XKR9: variants seen among roughly 807,000 people sequenced by gnomAD.
XKR9 encodes XK related 9.
Under a neutral mutation model 32.0 loss-of-function variants are expected in XKR9, and 32 were observed. The ratio of observed to expected loss-of-function variants is 1.00; its 90% confidence interval spans 0.76 to 1.34. XKR9 has a LOEUF of 1.34. Ranked by LOEUF, XKR9 falls within the 40% of genes most tolerant of loss-of-function variation. XKR9 has a pLI of 0.00. For synonymous variants in XKR9, 168 were observed against 143.4 expected (o/e 1.17, Z -1.22); for missense variants, 546 against 429.7 (o/e 1.27, Z -2.39).
the XKR9 span, among the ~76,000 whole-genome samples, chr8:70,822,564 AAAT>A: frequency 2.6e-5 from 4 of 150,970 alleles, no homozygotes; most frequent in South Asian, 6.2e-4. Context: ...ATATAATTAT[AAAT>A]AATAATTTAT....
chr8:70,745,818 A>G (rs1807050824), intron 2 of XKR9, among the ~76,000 whole-genome samples: 1 of 152,238 alleles, frequency 6.6e-6, no homozygotes, highest in Non-Finnish European at 1.5e-5. Context: ...AATTTCTTGC[A>G]CAATATCTTG....
intron 3 of XKR9, chr8:70,683,686 T>A (rs1819162052): frequency 1.1e-5 from 4 of 360,444 alleles, no homozygotes; most frequent in Admixed American, 1.0e-4. Context: ...TGGGGTTTAG[T>A]CATGTTGGCC....
At chr8:70,712,364 AG>A (rs1805947535) in intron 4 of XKR9, among the ~76,000 whole-genome samples, 1 of 152,146 alleles carries the variant, frequency 6.6e-6, no homozygotes, top group South Asian at 2.1e-4. Flanking sequence ...GTGGGAAAGC[AG>A]CATAGTTAAG....
the XKR9 span, among the ~76,000 whole-genome samples, chr8:70,799,967 T>C: frequency 6.6e-6 from 1 of 152,212 alleles, no homozygotes; most frequent in Non-Finnish European, 1.5e-5. Context: ...TTTCCAGCTT[T>C]TCCCATTCAA....
At chr8:70,862,989 G>T in the XKR9 span, among the ~76,000 whole-genome samples, 1 of 152,142 alleles carries the variant, frequency 6.6e-6, no homozygotes, top group East Asian at 1.9e-4. Flanking sequence ...AGGTCCTGTG[G>T]CAGGAGGGAG....
the XKR9 span, among the ~76,000 whole-genome samples, chr8:70,933,400 G>T: frequency 6.6e-6 from 1 of 151,832 alleles, no homozygotes; most frequent in Non-Finnish European, 1.5e-5. Flanking sequence ...AGTTGGAAGA[G>T]AATGTAGTCA....
the XKR9 span, among the ~76,000 whole-genome samples, chr8:71,032,760 T>G: frequency 6.6e-6 from 1 of 152,132 alleles, no homozygotes; most frequent in Non-Finnish European, 1.5e-5. Flanking sequence ...AAGAACAACC[T>G]CAAGGAAACA....
At chr8:70,869,446 CT>C in the XKR9 span, among the ~76,000 whole-genome samples, 1 of 152,138 alleles carries the variant, frequency 6.6e-6, no homozygotes, top group African/African-American at 2.4e-5. Flanking sequence ...CAAACTCCAC[CT>C]TTTAAAGCCA....
chr8:70,703,683 CT>C (rs1805618886), intron 3 of XKR9, among the ~76,000 whole-genome samples: 1 of 152,028 alleles, frequency 6.6e-6, no homozygotes, highest in Non-Finnish European at 1.5e-5. Flanking sequence ...TCTTTTCTGC[CT>C]TGTTTTCTTT....
At chr8:70,953,889 C>T in the XKR9 span, among the ~76,000 whole-genome samples, 12 of 151,958 alleles carry the variant, frequency 7.9e-5, no homozygotes, top group African/African-American at 2.7e-4. Flanking sequence ...TGAGGCAAGG[C>T]GGTGGGAAAA....
At chr8:70,811,904 C>A in the XKR9 span, among the ~76,000 whole-genome samples, 5 of 151,828 alleles carry the variant, frequency 3.3e-5, no homozygotes, top group East Asian at 7.7e-4. Flanking sequence ...CTATTCCAAT[C>A]AATAGAAAAA....
intron 2 of XKR9, among the ~76,000 whole-genome samples, chr8:70,785,891 A>G (rs1170990425): frequency 4.0e-5 from 6 of 151,784 alleles, no homozygotes; most frequent in Non-Finnish European, 5.9e-5. Flanking sequence ...TGGCATGATC[A>G]TATCTCACTA....
chr8:70,812,053 G>A, the XKR9 span, among the ~76,000 whole-genome samples: 2 of 152,168 alleles, frequency 1.3e-5, no homozygotes, highest in East Asian at 1.9e-4. Context: ...TAAAATACTG[G>A]CAAACCGAAT....
Position 70,776,923 on chromosome 8 carries a change from T to TTCTCTCTCTCTCTCTC in XKR9, n.353-12406_353-12391dup, listed in dbSNP as rs369388439. On this transcript the variant is annotated intron_variant and non_coding_transcript_variant, in intron 2 of 3. Coordinates refer to the XKR9 transcript ENST00000520273. ...TGCATTTAGCAGGTTTTCTCTTTCT[T>TTCTCTCTCTCTCTCTC]TCTCTCTCTCTCTCTCTCTCTCTCT... Among the ~76,000 whole-genome samples, 84 of 59,592 alleles carry TTCTCTCTCTCTCTCTC rather than the reference T, an allele frequency of 1.4e-3. 4 individuals are homozygous for TTCTCTCTCTCTCTCTC. The highest frequency in any genetic ancestry group is 4.7e-3 in the East Asian group (13 of 2,770). The allele number at this position is 59,592 out of a possible 152,430, so 39.1% of individuals were successfully genotyped here. A position where few individuals can be genotyped will look rare whatever the true frequency, so the allele number is the denominator to read the frequency against.
chr8:70,768,302 CCAT>C (rs1807405779), intron 2 of XKR9, among the ~76,000 whole-genome samples: 1 of 152,084 alleles, frequency 6.6e-6, no homozygotes, highest in African/African-American at 2.4e-5. Context: ...GTTATGATTT[CCAT>C]TTTTTACATT....
chr8:70,992,352 C>T, the XKR9 span, among the ~76,000 whole-genome samples: 1 of 152,152 alleles, frequency 6.6e-6, no homozygotes, highest in East Asian at 1.9e-4. Flanking sequence ...TACCTTTCCT[C>T]TACTAGATAC....
chr8:71,064,654 T>C, the XKR9 span, among the ~76,000 whole-genome samples: 1 of 152,202 alleles, frequency 6.6e-6, no homozygotes, highest in Non-Finnish European at 1.5e-5. Flanking sequence ...TATTCCTTTA[T>C]GGTTTTTTTA....
the XKR9 span, among the ~76,000 whole-genome samples, chr8:70,985,774 C>A: frequency 1.3e-5 from 2 of 151,370 alleles, no homozygotes; most frequent in Admixed American, 1.3e-4. Context: ...TTTTTTTAGG[C>A]AATCATTTTA....
the XKR9 span, among the ~76,000 whole-genome samples, chr8:70,842,892 T>C: frequency 6.6e-6 from 1 of 152,124 alleles, no homozygotes; most frequent in African/African-American, 2.4e-5. Flanking sequence ...CAACCATTGC[T>C]GCCCTTCTGG....
Sources: gnomAD v4.1 joint callset for allele counts (sites outside exome capture counted in the v4.1 genomes callset) on GRCh38, gnomAD v4.1.1 for gene constraint, MANE v1.5 for transcripts, NCBI Gene and HGNC (gene_info 2026-07-23, HGNC 2026-07-21) for gene names.